Variants in RARB observed in about 807,000 individuals in gnomAD.
RARB encodes the protein HBV-activated protein.
A neutral mutation model predicts 51.9 loss-of-function variants in RARB; 17 were observed. The observed-to-expected ratio is 0.33, with a 90% CI of 0.22 to 0.49. The LOEUF (loss-of-function observed/expected upper bound fraction) is 0.49, where lower values mean the gene tolerates loss of function less well. Among genes scored for constraint, RARB ranks in the 20% least tolerant of loss-of-function variants. The probability of loss-of-function intolerance (pLI) is 0.99; values close to 1 mark genes in which losing one functional copy is unlikely to be tolerated. For missense variants in RARB, 369 were observed against 550.8 expected (o/e 0.67, Z 3.30); for synonymous variants, 215 against 195.4 (o/e 1.10, Z -0.84).
At chr3:25,356,144 T>C (rs1052063764) in intron 5 of RARB, among the ~76,000 whole-genome samples, 12 of 152,244 alleles carry the variant, frequency 7.9e-5, no homozygotes, top group Non-Finnish European at 1.8e-4. Context: ...TCTATAGCGA[T>C]GTTAGTGATT....
chr3:24,990,958 T>A (rs1487419022), intron 2 of RARB, among the ~76,000 whole-genome samples: 1 of 152,338 alleles, frequency 6.6e-6, no homozygotes, highest in African/African-American at 2.4e-5. Context: ...ATCTAAATAT[T>A]TCATGGCTCT....
intron 4 of RARB, among the ~76,000 whole-genome samples, chr3:25,153,589 ATAAT>A (rs1700327909): frequency 6.6e-6 from 1 of 152,224 alleles, no homozygotes; most frequent in Admixed American, 6.5e-5. Flanking sequence ...ATATATAACT[ATAAT>A]TAAACAATGT....
In RARB at chr3:25,506,081, A is replaced by G. The variant is rs528515644; in HGVS notation, c.448+4758A>G. Among the ~76,000 whole-genome samples, 14 of 152,114 alleles carry G rather than the reference A, an allele frequency of 9.2e-5. No individual in the cohort carries two copies. The South Asian group carries it at 2.7e-3, about 29-fold the overall frequency. On this transcript the variant is annotated intron_variant, in intron 3 of 7. Coordinates refer to ENST00000330688, the MANE Select transcript of RARB (RefSeq NM_000965.5). ...TCAGATCTTTAAGCCAAAGGTCAGCAAACCATTTTTTAAAAGAACCAGCTC... is the reference window on the plus strand; with the variant it reads ...TCAGATCTTTAAGCCAAAGGTCAGCGAACCATTTTTTAAAAGAACCAGCTC...
At chr3:24,986,422 A>G (rs1696795821) in intron 2 of RARB, among the ~76,000 whole-genome samples, 2 of 152,252 alleles carry the variant, frequency 1.3e-5, no homozygotes, top group African/African-American at 4.8e-5. Flanking sequence ...TTAGAAAACT[A>G]AAAAGTTCCA....
At chr3:25,398,863 A>G (rs1707187543) in intron 5 of RARB, among the ~76,000 whole-genome samples, 1 of 152,212 alleles carries the variant, frequency 6.6e-6, no homozygotes, top group Admixed American at 6.5e-5. Flanking sequence ...TTATGTCTGT[A>G]CGCAATATGT....
intron 2 of RARB, among the ~76,000 whole-genome samples, chr3:24,870,404 T>A (rs953965460): frequency 6.6e-6 from 1 of 152,088 alleles, no homozygotes; most frequent in Non-Finnish European, 1.5e-5. Flanking sequence ...TCCAAACTTA[T>A]CTCACTAATA....
chr3:25,156,659 G>T (rs564473862), intron 4 of RARB, among the ~76,000 whole-genome samples: 2 of 150,950 alleles, frequency 1.3e-5, no homozygotes, highest in African/African-American at 2.4e-5. Context: ...AGATGCTCTC[G>T]TTCCTACAAC....
chr3:24,923,188 G>T (rs1559397666), intron 2 of RARB, among the ~76,000 whole-genome samples: 2 of 152,112 alleles, frequency 1.3e-5, no homozygotes, highest in Non-Finnish European at 2.9e-5. Context: ...AGATCAGAAA[G>T]GTGCTTCATA....
At chr3:25,015,931 A>C (rs1697499165) in intron 2 of RARB, among the ~76,000 whole-genome samples, 1 of 152,190 alleles carries the variant, frequency 6.6e-6, no homozygotes, top group Non-Finnish European at 1.5e-5. Flanking sequence ...AACTGATCCC[A>C]GTGGATTTGT....
Position 25,021,197 on chromosome 3 carries a change from A to G in RARB, c.-379-38928A>G, listed in dbSNP as rs1010024524. On this transcript the variant is annotated intron_variant, in intron 2 of 11. Transcript: ENST00000383772. ...ATAGTACTCCTGAAGGTAATATATT[A>G]CTAATGCAAATTTAATTTTACATCC... Among the ~76,000 whole-genome samples, 16 of 152,336 alleles carry G rather than the reference A, an allele frequency of 1.1e-4. No homozygotes were observed. In the East Asian group the frequency reaches 3.1e-3, roughly 29 times the overall value.
chr3:25,191,941 G>A (rs1048363230), intron 5 of RARB, among the ~76,000 whole-genome samples: 5 of 152,118 alleles, frequency 3.3e-5, no homozygotes, highest in Admixed American at 3.3e-4. Flanking sequence ...CGGGGGTGTG[G>A]AGAAGAGAGT....
chr3:24,904,742 G>C (rs1050764577), intron 2 of RARB, among the ~76,000 whole-genome samples: 1 of 152,160 alleles, frequency 6.6e-6, no homozygotes, highest in African/African-American at 2.4e-5. Context: ...GTTCACAATA[G>C]CAAAAACTTG....
At chr3:25,010,523 G>C (rs1697371728) in intron 2 of RARB, among the ~76,000 whole-genome samples, 1 of 152,046 alleles carries the variant, frequency 6.6e-6, no homozygotes, top group African/African-American at 2.4e-5. Context: ...TACTGTACTT[G>C]ATGCCTTTGT....
At chr3:25,190,398 T>A (rs945928226) in intron 5 of RARB, among the ~76,000 whole-genome samples, 2 of 152,134 alleles carry the variant, frequency 1.3e-5, no homozygotes, top group African/African-American at 4.8e-5. Context: ...CAACTATATA[T>A]GCATATATAT....
chr3:25,478,420 G>A (rs923488911), intron 2 of RARB, among the ~76,000 whole-genome samples: 1 of 152,180 alleles, frequency 6.6e-6, no homozygotes, highest in South Asian at 2.1e-4. Context: ...AGAGCCTGTT[G>A]TAGGAAAAAT....
At chr3:25,023,834 T>C (rs902613599) in intron 2 of RARB, among the ~76,000 whole-genome samples, 1 of 152,172 alleles carries the variant, frequency 6.6e-6, no homozygotes, top group African/African-American at 2.4e-5. Flanking sequence ...TAATTTAGGG[T>C]ACATTAAAAA....
intron 5 of RARB, among the ~76,000 whole-genome samples, chr3:25,358,911 G>A (rs753748602): frequency 6.6e-5 from 10 of 151,486 alleles, no homozygotes; most frequent in Non-Finnish European, 1.3e-4. Flanking sequence ...TCGCATTGAT[G>A]TTCATCAGGG....
chr3:25,264,483 C>T (rs1483853), intron 5 of RARB, among the ~76,000 whole-genome samples: 1 of 152,068 alleles, frequency 6.6e-6, no homozygotes, highest in East Asian at 1.9e-4. Context: ...TTCAAGTAGC[C>T]TGAGAAAGGT....
intron 2 of RARB, among the ~76,000 whole-genome samples, chr3:24,931,544 C>T (rs574151880): frequency 1.3e-5 from 2 of 152,124 alleles, no homozygotes; most frequent in African/African-American, 4.8e-5. Context: ...GATTAAATGT[C>T]ACCTGGTAAA....
Sources: allele counts gnomAD v4.1 joint callset (sites outside exome capture counted in the v4.1 genomes callset), GRCh38; gene constraint gnomAD v4.1.1; transcripts MANE v1.5; gene names NCBI Gene and HGNC (gene_info 2026-07-23, HGNC 2026-07-21).